Variants in AUTS2 observed in about 807,000 individuals in gnomAD.
AUTS2 encodes the protein autism susceptibility gene 2 protein.
AUTS2 carries 17 observed loss-of-function variants against 112.4 expected under a neutral mutation model. The ratio of observed to expected loss-of-function variants is 0.15; its 90% CI spans 0.10 to 0.23. The LOEUF (loss-of-function observed/expected upper bound fraction) is 0.23, where lower values mean the gene tolerates loss of function less well. Among genes scored for constraint, AUTS2 ranks in the 10% least tolerant of loss-of-function variants. The probability of loss-of-function intolerance (pLI) is 1.00; values close to 1 mark genes in which losing one functional copy is unlikely to be tolerated. For missense variants in AUTS2, 1,510 were observed against 1,701.6 expected (o/e 0.89, Z 1.98); for synonymous variants, 751 against 702.7 (o/e 1.07, Z -1.09).
chr7:69,657,363 A>C (rs1362830746), intron 1 of AUTS2, among the ~76,000 whole-genome samples: 2 of 152,212 alleles, frequency 1.3e-5, no homozygotes, highest in African/African-American at 4.8e-5. Flanking sequence ...CCTTTCACTT[A>C]GGGGAAAAAA....
intron 2 of AUTS2, among the ~76,000 whole-genome samples, chr7:70,017,387 G>C (rs1272364603): frequency 6.6e-6 from 1 of 152,224 alleles, no homozygotes; most frequent in Non-Finnish European, 1.5e-5. Context: ...TTGTAGTTAA[G>C]TGAAATTGAT....
chr7:70,355,036 G>GTA (rs1791936497), intron 4 of AUTS2, among the ~76,000 whole-genome samples: 1 of 149,730 alleles, frequency 6.7e-6, no homozygotes, highest in African/African-American at 2.5e-5. Context: ...ATGGGTGTGT[G>GTA]TGTATGTATG....
intron 1 of AUTS2, among the ~76,000 whole-genome samples, chr7:69,764,173 G>A (rs79763320): frequency 9.8e-4 from 150 of 152,298 alleles, no homozygotes; most frequent in Non-Finnish European, 1.8e-3. Flanking sequence ...TATTACTAGC[G>A]TAAATGAGAT....
chr7:70,406,499 A>G (rs370848412), intron 4 of AUTS2, among the ~76,000 whole-genome samples: 6 of 152,170 alleles, frequency 3.9e-5, no homozygotes, highest in Non-Finnish European at 8.8e-5. Flanking sequence ...GCCAGCATCT[A>G]TGTTGGGCCC....
intron 1 of AUTS2, among the ~76,000 whole-genome samples, chr7:69,627,740 C>T (rs560416915): frequency 6.6e-5 from 10 of 152,064 alleles, no homozygotes; most frequent in Middle Eastern, 3.4e-3. Flanking sequence ...AGTAGAAGCC[C>T]CATTACTTGG....
At chr7:69,633,101 T>A (rs1346750227) in intron 1 of AUTS2, among the ~76,000 whole-genome samples, 1 of 152,198 alleles carries the variant, frequency 6.6e-6, no homozygotes, top group East Asian at 1.9e-4. Context: ...ATTTCCTTCC[T>A]ACCCCTAGTA....
intron 5 of AUTS2, among the ~76,000 whole-genome samples, chr7:70,503,717 T>C (rs1798856600): frequency 6.6e-6 from 1 of 151,588 alleles, no homozygotes; most frequent in South Asian, 2.1e-4. Flanking sequence ...TGAGGTCTTC[T>C]TATGTTCCCC....
chr7:69,733,336 G>A (rs1786882823), intron 1 of AUTS2, among the ~76,000 whole-genome samples: 1 of 152,144 alleles, frequency 6.6e-6, no homozygotes, highest in African/African-American at 2.4e-5. Context: ...ACTCTTTGGT[G>A]GCCCTTTAAG....
At chr7:69,945,611 GTTGT>G (rs1796778424) in intron 2 of AUTS2, among the ~76,000 whole-genome samples, 1 of 151,598 alleles carries the variant, frequency 6.6e-6, no homozygotes, top group African/African-American at 2.4e-5. Context: ...TTTTGTTGTT[GTTGT>G]TTGTTTTTTT....
intron 4 of AUTS2, among the ~76,000 whole-genome samples, chr7:70,222,223 AGCG>A (rs1811524126): frequency 6.6e-6 from 1 of 152,232 alleles, no homozygotes; most frequent in African/African-American, 2.4e-5. Context: ...AAACTAAGAC[AGCG>A]AATAAAATAA....
chr7:69,665,134 C>T (rs1795973137), intron 1 of AUTS2, among the ~76,000 whole-genome samples: 1 of 152,144 alleles, frequency 6.6e-6, no homozygotes, highest in African/African-American at 2.4e-5. Flanking sequence ...TTCTGTCACT[C>T]CTCCCTCTCC....
chr7:70,414,299 G>A (rs1207198353), intron 4 of AUTS2, among the ~76,000 whole-genome samples: 3 of 152,156 alleles, frequency 2.0e-5, no homozygotes, highest in Non-Finnish European at 4.4e-5. Context: ...GCTCTTCCAA[G>A]GACTGAATGA....
At chr7:70,676,132 AAAG>A (rs201779634) in intron 5 of AUTS2, among the ~76,000 whole-genome samples, 77 of 152,320 alleles carry the variant, frequency 5.1e-4, no homozygotes, top group Middle Eastern at 3.4e-3. Context: ...TCTTCATTAA[AAAG>A]AAGAAGAAGA....
At chr7:70,453,186 A>G (rs925340468) in intron 5 of AUTS2, among the ~76,000 whole-genome samples, 3 of 152,214 alleles carry the variant, frequency 2.0e-5, no homozygotes, top group Non-Finnish European at 4.4e-5. Flanking sequence ...GTGCCCCTCA[A>G]AGAATGTGGG....
At chr7:70,781,476 T>C in intron 14 of AUTS2, 139 bp from the exon 15 acceptor site, 1 of 1,040,750 alleles carries the variant, frequency 9.6e-7, no homozygotes, top group South Asian at 1.8e-5. Flanking sequence ...AAATGGTTTT[T>C]GTGTAGCTGC....
At chr7:70,317,220 T>G (rs914200602) in intron 4 of AUTS2, among the ~76,000 whole-genome samples, 1 of 152,204 alleles carries the variant, frequency 6.6e-6, no homozygotes, top group African/African-American at 2.4e-5. Context: ...CCTGTGTATA[T>G]TTTGTCTGCT....
chr7:70,606,492 T>C (rs1471609244), intron 5 of AUTS2, among the ~76,000 whole-genome samples: 1 of 152,180 alleles, frequency 6.6e-6, no homozygotes, highest in Non-Finnish European at 1.5e-5. Context: ...GTGAAAAAAG[T>C]AGACATGAAG....
At chr7:70,686,118 A>G (rs990890107) in intron 5 of AUTS2, among the ~76,000 whole-genome samples, 1 of 152,172 alleles carries the variant, frequency 6.6e-6, no homozygotes, top group African/African-American at 2.4e-5. Context: ...TCAGGCTACC[A>G]TATGTCCTGT....
chr7:70,478,196 AAAGT>A (rs1483818399), intron 5 of AUTS2, among the ~76,000 whole-genome samples: 2 of 152,156 alleles, frequency 1.3e-5, no homozygotes, highest in African/African-American at 2.4e-5. Flanking sequence ...TTCTATTATA[AAAGT>A]AAGACGTGTT....
Sources: allele counts gnomAD v4.1 joint callset (sites outside exome capture counted in the v4.1 genomes callset), GRCh38; gene constraint gnomAD v4.1.1; transcripts MANE v1.5; gene names NCBI Gene and HGNC (gene_info 2026-07-23, HGNC 2026-07-21).